SH2D4B: variants seen among roughly 807,000 people sequenced by gnomAD.
SH2D4B encodes SH2 domain-containing protein 4B.
SH2D4B carries 45 observed loss-of-function variants against 61.5 expected under a neutral mutation model. That is an observed-to-expected ratio of 0.73 (90% CI 0.58 to 0.94). The LOEUF (loss-of-function observed/expected upper bound fraction) is 0.94. SH2D4B is among the 40% of genes least tolerant of loss of function. SH2D4B has a pLI of 0.00. For missense variants in SH2D4B, 572 were observed against 574.2 expected (o/e 1.00, Z 0.04); for synonymous variants, 224 against 220.4 (o/e 1.02, Z -0.14).
chr10:80,577,128 G>C (rs770350495), intron 3 of SH2D4B, among the ~76,000 whole-genome samples: 3 of 152,158 alleles, frequency 2.0e-5, no homozygotes, highest in Non-Finnish European at 4.4e-5. Context: ...CCTCTCTTGC[G>C]ATGCTCATTT....
At chr10:80,570,664 C>G (rs993472869) in intron 2 of SH2D4B, among the ~76,000 whole-genome samples, 1 of 152,114 alleles carries the variant, frequency 6.6e-6, no homozygotes, top group Non-Finnish European at 1.5e-5. Flanking sequence ...TTGTTTTATT[C>G]ACACCTTGAC....
At chr10:80,622,139 C>A (rs1159930427) in intron 6 of SH2D4B, among the ~76,000 whole-genome samples, 9 of 151,952 alleles carry the variant, frequency 5.9e-5, no homozygotes, top group Non-Finnish European at 8.8e-5. Context: ...CCCCTGCCCA[C>A]CCCCATGGCT....
chr10:80,588,686 G>C lies in SH2D4B; in HGVS notation c.552G>C (p.Glu184Asp). Residue 184 changes from glutamate to aspartate, a missense_variant, in exon 4 of 8, where the codon GAG becomes GAC. By Grantham distance (45) the Glu-to-Asp change is conservative. Coordinates refer to ENST00000646907, the MANE Select transcript of SH2D4B (RefSeq NM_001388272.1). ...RGEEQIRLQE[E>D]QRAKELYWTL... ...AAGAGCAGATTCGCCTCCAGGAAGA[G>C]CAGAGGGCGAAGGAGCTCTACTGGA... 1 of 1,614,092 alleles carries C rather than the reference G, an allele frequency of 6.2e-7. No homozygotes were observed. Among genetic ancestry groups the C allele is most frequent in the Non-Finnish European group, 8.5e-7 (1 of 1,180,044 alleles).
At chr10:80,610,255 C>T (rs2132145127) in intron 6 of SH2D4B, among the ~76,000 whole-genome samples, 1 of 152,262 alleles carries the variant, frequency 6.6e-6, no homozygotes, top group South Asian at 2.1e-4. Flanking sequence ...CCCCAGTGTC[C>T]CTCAGCTCAC....
intron 4 of SH2D4B, among the ~76,000 whole-genome samples, chr10:80,600,222 ATCTTTACTGATT>A (rs1470099830): frequency 6.6e-6 from 1 of 152,184 alleles, no homozygotes; most frequent in Non-Finnish European, 1.5e-5. Context: ...TACAATTCAA[ATCTTTACTGATT>A]TCTTTCCCCA....
At position 80,538,262 on chromosome 10, in the gene SH2D4B, C is replaced by T; in HGVS notation, c.-70C>T. On this transcript the variant is annotated 5_prime_UTR_variant, in exon 1 of 8. Transcript: ENST00000646907. This position sits in a 1 kb window ranked among gnomAD's most constrained non-coding sequence, Gnocchi z 4.8. ...AGCAGTCCGTAGTGCAGAGCAGCCC[C>T]TCGGGCGTTCTGCCTGGCCCTGCTT... 1 of 1,245,318 alleles carries T rather than the reference C, an allele frequency of 8.0e-7. No homozygotes were observed. Among genetic ancestry groups the T allele is most frequent in the Non-Finnish European group, 1.0e-6 (1 of 971,728 alleles). 77.1% of individuals were successfully genotyped at this position (1,245,318 alleles called of 1,614,324 possible). A position where few individuals can be genotyped will look rare whatever the true frequency, so the allele number is the denominator to read the frequency against.
intron 7 of SH2D4B, among the ~76,000 whole-genome samples, chr10:80,641,156 C>T (rs1254694539): frequency 1.3e-5 from 2 of 152,214 alleles, no homozygotes; most frequent in African/African-American, 4.8e-5. Flanking sequence ...CCTGATCCTT[C>T]CTCTCGAAGT....
rs1490062122 is a variant in SH2D4B, at chr10:80,542,655, C to T, written c.184+4140C>T. ...AGGTAATCCGCCCTCCTCGGCCTCC[C>T]AAAATGCTGGGATTACAGGCACGAG... is the stretch of plus-strand genomic sequence containing the variant. On this transcript the variant is annotated intron_variant, in intron 1 of 7. Coordinates refer to ENST00000646907, the MANE Select transcript of SH2D4B (RefSeq NM_001388272.1). Among the ~76,000 whole-genome samples the T allele has an allele frequency of 4.6e-5, 7 of 152,008 alleles. No homozygotes were observed. The South Asian group carries it at 8.3e-4, about 18-fold the overall frequency.
chr10:80,582,622 G>A (rs1474000442), intron 3 of SH2D4B, among the ~76,000 whole-genome samples: 1 of 152,114 alleles, frequency 6.6e-6, no homozygotes. Context: ...ACAGGGAGTC[G>A]GGCTCATGTA....
At chr10:80,592,672 T>C (rs1842342889) in intron 4 of SH2D4B, among the ~76,000 whole-genome samples, 1 of 152,056 alleles carries the variant, frequency 6.6e-6, no homozygotes, top group Admixed American at 6.6e-5. Flanking sequence ...TGAAAATCAA[T>C]TCACCAAAAA....
intron 7 of SH2D4B, among the ~76,000 whole-genome samples, chr10:80,639,732 C>G (rs1430048113): frequency 2.0e-5 from 3 of 152,146 alleles, no homozygotes; most frequent in African/African-American, 7.2e-5. Flanking sequence ...GATCTTTATC[C>G]AATTTGCCAG....
intron 3 of SH2D4B, among the ~76,000 whole-genome samples, chr10:80,588,305 A>T (rs1196810257): frequency 1.3e-5 from 2 of 152,180 alleles, no homozygotes; most frequent in African/African-American, 4.8e-5. Flanking sequence ...GGCATCTCAT[A>T]GTCTGGTTGT....
At chr10:80,544,093 G>A (rs1017852604) in intron 1 of SH2D4B, among the ~76,000 whole-genome samples, 1 of 148,566 alleles carries the variant, frequency 6.7e-6, no homozygotes. Context: ...TTGTTCTTTT[G>A]CTCTTTGCAA....
intron 1 of SH2D4B, among the ~76,000 whole-genome samples, chr10:80,549,203 T>TGTGTGTGTGTGTGTGTGTGTG (rs59438371): frequency 8.3e-6 from 1 of 120,230 alleles, no homozygotes; most frequent in Admixed American, 7.7e-5. Context: ...TGGGACTTGA[T>TGTGTGTGTGTGTGTGTGTGTG]TGTGTGTGTG....
chr10:80,586,537 GTA>G (rs1398548722), intron 3 of SH2D4B, among the ~76,000 whole-genome samples: 3 of 152,080 alleles, frequency 2.0e-5, no homozygotes, highest in African/African-American at 7.2e-5. Flanking sequence ...TCCACACTCT[GTA>G]TCTAGCTAAT....
chr10:80,581,262 G>A (rs1416401793), intron 3 of SH2D4B, among the ~76,000 whole-genome samples: 2 of 152,178 alleles, frequency 1.3e-5, no homozygotes, highest in Non-Finnish European at 1.5e-5. Context: ...GCCAGTTGAA[G>A]TAGGAACATT....
intron 1 of SH2D4B, among the ~76,000 whole-genome samples, chr10:80,557,280 A>G (rs948116939): frequency 6.6e-6 from 1 of 152,108 alleles, no homozygotes; most frequent in Non-Finnish European, 1.5e-5. Flanking sequence ...TTCTGAATTT[A>G]ATTTGCTAAT....
At chr10:80,566,144 T>TA (rs1841966001) in intron 1 of SH2D4B, among the ~76,000 whole-genome samples, 1 of 141,770 alleles carries the variant, frequency 7.1e-6, no homozygotes, top group Non-Finnish European at 1.5e-5. Flanking sequence ...GGGTTTCTCC[T>TA]AAGAAGACTT....
rs1842165212 is a variant in SH2D4B at position 80,579,511 on chromosome 10, A to AT, written c.495+7933_495+7934insT. ...CTCCTTCTGTTCAAGACCACAGAAC[A>AT]CGGCTCAATAAACATCCTGTGCTCT... On this transcript the variant is annotated intron_variant, in intron 3 of 7. Transcript: ENST00000646907. Among the ~76,000 whole-genome samples the AT allele has an allele frequency of 1.5e-4, 23 of 152,096 alleles. 1 individual carries two copies. The highest frequency in any genetic ancestry group is 1.5e-3 in the Admixed American group (23 of 15,268).
Sources: gnomAD v4.1 joint callset for allele counts (sites outside exome capture counted in the v4.1 genomes callset) on GRCh38, gnomAD v4.1.1 for gene constraint, Gnocchi (gnomAD v3.1) non-coding constraint, MANE v1.5 for transcripts, NCBI Gene and HGNC (gene_info 2026-07-23, HGNC 2026-07-21) for gene names.